Variants in ADD1 observed in about 807,000 individuals in gnomAD.
ADD1 encodes alpha-adducin.
In ADD1, 24 loss-of-function variants were observed where a neutral mutation model predicts 80.5. That is an observed-to-expected ratio of 0.30 (90% CI 0.22 to 0.42). The LOEUF (loss-of-function observed/expected upper bound fraction) is 0.42, where lower values mean the gene tolerates loss of function less well. Ranked by LOEUF, ADD1 falls within the 10% of genes least tolerant of loss-of-function variation. The pLI is 1.00. For missense variants in ADD1, 948 were observed against 1,019.0 expected (o/e 0.93, Z 0.95); for synonymous variants, 373 against 393.8 (o/e 0.95, Z 0.63).
chr4:2,901,376 G>A (rs1736150576), intron 9 of ADD1: 1 of 152,114 alleles, frequency 6.6e-6, no homozygotes, highest in African/African-American at 2.4e-5. Context: ...GCGGAGAGGG[G>A]GAAGTCAAAA....
At chr4:2,891,505 T>C (rs919469478) in intron 4 of ADD1, among the ~76,000 whole-genome samples, 3 of 152,206 alleles carry the variant, frequency 2.0e-5, no homozygotes, top group African/African-American at 7.2e-5. Context: ...CAAGGCTGAC[T>C]CAGCATTGCA....
chr4:2,909,203 C>T lies in ADD1; in HGVS notation c.1699-136C>T, dbSNP rs545978870. 1.2e-5 allele frequency: 9 copies of T among 721,862 alleles called. No individual in the cohort carries two copies. In the African/African-American group the frequency reaches 1.6e-4, roughly 13 times the overall value. The allele number at this position is 721,862 out of a possible 1,614,324, so 44.7% of individuals were successfully genotyped here. The stretch of plus-strand genomic sequence containing the variant: ...GTTTCGTGTTCAGTGTCTGCACGTC[C>T]TGCCATCATCACTGCCACACTTACT... On this transcript the variant is annotated intron_variant, in intron 12 of 15. Coordinates refer to ENST00000683351, the MANE Select transcript of ADD1 (RefSeq NM_001354761.2).
chr4:2,922,980 C>T (rs1419873329), intron 14 of ADD1, among the ~76,000 whole-genome samples: 1 of 152,142 alleles, frequency 6.6e-6, no homozygotes. Context: ...TGGTGGATGC[C>T]CCTCCCCCCA....
chr4:2,903,757 AGTCT>A (rs1381062991), intron 9 of ADD1, among the ~76,000 whole-genome samples: 2 of 152,122 alleles, frequency 1.3e-5, no homozygotes, highest in African/African-American at 2.4e-5. Context: ...GCCACTGTGA[AGTCT>A]GTCTGTCACA....
intron 2 of ADD1, among the ~76,000 whole-genome samples, chr4:2,879,805 A>G (rs1296589296): frequency 6.6e-6 from 1 of 151,828 alleles, no homozygotes; most frequent in Admixed American, 6.6e-5. Context: ...ACCTCCTCCT[A>G]CTGGCTTCAA....
At chr4:2,904,365 C>G (rs1473007171) in intron 9 of ADD1, among the ~76,000 whole-genome samples, 1 of 152,182 alleles carries the variant, frequency 6.6e-6, no homozygotes, top group Admixed American at 6.5e-5. Flanking sequence ...ATCTTCTGCA[C>G]TTTTAATGAA....
intron 6 of ADD1, among the ~76,000 whole-genome samples, chr4:2,895,793 C>A (rs1193919872): frequency 6.6e-6 from 1 of 152,108 alleles, no homozygotes; most frequent in Non-Finnish European, 1.5e-5. Flanking sequence ...TGTGAAAGCA[C>A]AGTACTTGAG....
At chr4:2,910,090 G>A (rs1383432212) in intron 13 of ADD1, among the ~76,000 whole-genome samples, 2 of 147,152 alleles carry the variant, frequency 1.4e-5, no homozygotes, top group East Asian at 4.0e-4. Context: ...TGTGGAGTAG[G>A]TGGAAGATCT....
chr4:2,890,497 C>T (rs1481965373), intron 4 of ADD1, among the ~76,000 whole-genome samples: 1 of 152,150 alleles, frequency 6.6e-6, no homozygotes, highest in Non-Finnish European at 1.5e-5. Flanking sequence ...AGCTCTGCCT[C>T]CCAGGTTCAC....
chr4:2,854,598 C>A (rs1024135593), intron 1 of ADD1, among the ~76,000 whole-genome samples: 1 of 152,096 alleles, frequency 6.6e-6, no homozygotes, highest in Admixed American at 6.6e-5. Context: ...TTTTCATCTT[C>A]CTGTTGAGCT....
At chr4:2,899,616 T>G (rs1403482152) in intron 9 of ADD1, 181 bp downstream of exon 9, 1 of 703,956 alleles carries the variant, frequency 1.4e-6, no homozygotes, top group Non-Finnish European at 2.5e-6. Flanking sequence ...AATGTAGAGG[T>G]GAAGGATTCC....
At chr4:2,914,360 C>T (rs762192352) in intron 13 of ADD1, among the ~76,000 whole-genome samples, 6 of 152,178 alleles carry the variant, frequency 3.9e-5, no homozygotes, top group South Asian at 2.1e-4. Flanking sequence ...GTTGTCATCT[C>T]GGAATGTTTT....
At chr4:2,912,876 G>T (rs1738313251) in intron 13 of ADD1, among the ~76,000 whole-genome samples, 1 of 152,048 alleles carries the variant, frequency 6.6e-6, no homozygotes, top group Non-Finnish European at 1.5e-5. Flanking sequence ...ACGGAGTCTT[G>T]CTCTGTTGCC....
At chr4:2,903,097 A>G (rs952885101) in intron 9 of ADD1, among the ~76,000 whole-genome samples, 76 of 152,182 alleles carry the variant, frequency 5.0e-4, no homozygotes, top group African/African-American at 1.6e-3. Context: ...ATGGCCCCCA[A>G]AAAAGAGCAG....
chr4:2,898,103 T>A (rs1289615107), intron 6 of ADD1, 81 bp from the exon 7 acceptor site: 1 of 1,461,818 alleles, frequency 6.8e-7, no homozygotes, highest in African/African-American at 1.4e-5. Flanking sequence ...ATTTTATTTC[T>A]GTGAGGAAAG....
chr4:2,925,734 C>T (rs1412773199), intron 14 of ADD1, among the ~76,000 whole-genome samples: 2 of 152,330 alleles, frequency 1.3e-5, no homozygotes, highest in South Asian at 2.1e-4. Flanking sequence ...GCATACCATT[C>T]GAGTCCATCA....
At chr4:2,847,183 G>A (rs578120622) in intron 1 of ADD1, among the ~76,000 whole-genome samples, 7 of 152,228 alleles carry the variant, frequency 4.6e-5, no homozygotes, top group Non-Finnish European at 8.8e-5. Context: ...GGCACTTTGG[G>A]AGGCTGAGGC....
intron 1 of ADD1, among the ~76,000 whole-genome samples, chr4:2,849,744 T>C (rs912451168): frequency 6.6e-6 from 1 of 152,250 alleles, no homozygotes; most frequent in Non-Finnish European, 1.5e-5. Context: ...CTGCACACTG[T>C]CGCTTGAAAT....
chr4:2,909,038 C>G (rs1421262613), intron 12 of ADD1: 1 of 480,672 alleles, frequency 2.1e-6, no homozygotes, highest in Admixed American at 3.5e-5. Flanking sequence ...ACACACATTT[C>G]TACAAAATGA....
Sources: gnomAD v4.1 joint callset for allele counts (sites outside exome capture counted in the v4.1 genomes callset) on GRCh38, gnomAD v4.1.1 for gene constraint, MANE v1.5 for transcripts, NCBI Gene and HGNC (gene_info 2026-07-23, HGNC 2026-07-21) for gene names.